TASP1: variants seen among roughly 807,000 people sequenced by gnomAD.
TASP1 encodes the protein taspase 1, also known as threonine aspartase 1.
TASP1 carries 16 observed loss-of-function variants against 56.6 expected under a neutral mutation model. The observed-to-expected ratio is 0.28, with a 90% CI of 0.19 to 0.43. The LOEUF is 0.43. Ranked by LOEUF, TASP1 falls within the 20% of genes least tolerant of loss-of-function variation. The pLI is 1.00. For synonymous variants in TASP1, 179 were observed against 184.2 expected (o/e 0.97, Z 0.23); for missense variants, 393 against 511.6 (o/e 0.77, Z 2.24).
chr20:13,178,706 T>C, the TASP1 span, among the ~76,000 whole-genome samples: 1 of 148,130 alleles, frequency 6.8e-6, no homozygotes, highest in Non-Finnish European at 1.5e-5. Context: ...AAAAAAAAAG[T>C]TGATCTTATA....
intron 13 of TASP1, among the ~76,000 whole-genome samples, chr20:13,411,922 G>T (rs2042106896): frequency 6.6e-6 from 1 of 152,204 alleles, no homozygotes; most frequent in African/African-American, 2.4e-5. Flanking sequence ...GTTGGGAGCA[G>T]GAGAGGTTTT....
At chr20:13,528,219 CAA>C (rs397942980) in intron 10 of TASP1, among the ~76,000 whole-genome samples, 812 of 54,220 alleles carry the variant, frequency 0.015, 2 homozygotes, top group Middle Eastern at 0.044. Flanking sequence ...GACTCTGACT[CAA>C]AAAAAAAAAA....
the TASP1 span, among the ~76,000 whole-genome samples, chr20:13,260,604 T>G: frequency 7.9e-6 from 1 of 126,896 alleles, no homozygotes; most frequent in South Asian, 2.2e-4. Context: ...AAAGTGGAGT[T>G]TTTTTTTTTT....
At chr20:13,435,912 T>A (rs2042986081) in intron 11 of TASP1, among the ~76,000 whole-genome samples, 1 of 152,110 alleles carries the variant, frequency 6.6e-6, no homozygotes, top group Admixed American at 6.6e-5. Flanking sequence ...CTGCTTAAAC[T>A]TACTATATTA....
At chr20:13,614,722 C>T in intron 4 of TASP1, 1 of 448,330 alleles carries the variant, frequency 2.2e-6, no homozygotes, top group Non-Finnish European at 4.6e-6. Flanking sequence ...AGTTACTTGT[C>T]AAAAACATAA....
chr20:13,166,462 T>C, the TASP1 span: 5 of 152,222 alleles, frequency 3.3e-5, no homozygotes, highest in Non-Finnish European at 7.4e-5. Context: ...GGAATACCGT[T>C]AGTGAAAGAG....
intron 1 of TASP1, among the ~76,000 whole-genome samples, chr20:13,631,824 G>A (rs368166049): frequency 1.8e-4 from 27 of 152,098 alleles, no homozygotes; most frequent in Admixed American, 1.2e-3. Context: ...CTAGCACTTC[G>A]GGAGGCCAAG....
In TASP1 at chr20:13,616,578, G is replaced by A. The variant is rs189206461; in HGVS notation, c.282+6868C>T. Among the ~76,000 whole-genome samples, 9 of 152,048 alleles carry A rather than the reference G, an allele frequency of 5.9e-5. No individual in the cohort carries two copies. In the East Asian group the frequency reaches 1.5e-3, roughly 26 times the overall value. On this transcript the variant is annotated intron_variant, in intron 4 of 13. Coordinates refer to ENST00000337743, the MANE Select transcript of TASP1 (RefSeq NM_017714.3). ...TTTGACTTGGTCAAAAGCTAACACC[G>A]GGTTTGCTACCATGTAAAATTAATC...
intron 10 of TASP1, among the ~76,000 whole-genome samples, chr20:13,492,927 C>T (rs550725788): frequency 1.3e-5 from 2 of 152,106 alleles, no homozygotes; most frequent in East Asian, 3.9e-4. Context: ...TATGATTAAA[C>T]ACAGATATCT....
At chr20:13,240,947 G>A in the TASP1 span, among the ~76,000 whole-genome samples, 6 of 152,228 alleles carry the variant, frequency 3.9e-5, no homozygotes, top group Admixed American at 1.3e-4. Flanking sequence ...ACATGTAAGT[G>A]AAGATAATAG....
At chr20:13,342,852 G>A in the TASP1 span, among the ~76,000 whole-genome samples, 1 of 152,110 alleles carries the variant, frequency 6.6e-6, no homozygotes, top group Admixed American at 6.5e-5. Flanking sequence ...GTAGAGGATG[G>A]GTCCTTATCC....
At chr20:13,332,854 G>C in the TASP1 span, among the ~76,000 whole-genome samples, 4 of 152,142 alleles carry the variant, frequency 2.6e-5, no homozygotes, top group Non-Finnish European at 4.4e-5. Flanking sequence ...CGGAAAGTTT[G>C]GCCTTTGGGG....
At chr20:13,632,364 CA>C (rs565886595) in intron 1 of TASP1, among the ~76,000 whole-genome samples, 189 of 47,960 alleles carry the variant, frequency 3.9e-3, no homozygotes, top group Middle Eastern at 0.013. Flanking sequence ...GACTCCATCT[CA>C]AAAAAAAAAA....
intron 12 of TASP1, among the ~76,000 whole-genome samples, chr20:13,433,986 T>C (rs992940088): frequency 6.6e-6 from 1 of 152,132 alleles, no homozygotes; most frequent in Non-Finnish European, 1.5e-5. Context: ...TGACTGAAGA[T>C]TAGACACAAG....
At chr20:13,117,087 T>C in the TASP1 span, among the ~76,000 whole-genome samples, 3 of 152,236 alleles carry the variant, frequency 2.0e-5, no homozygotes, top group Admixed American at 2.0e-4. Context: ...AAGCACCAAA[T>C]TTAAGTCAAA....
At chr20:13,315,840 A>C in the TASP1 span, among the ~76,000 whole-genome samples, 1 of 152,050 alleles carries the variant, frequency 6.6e-6, no homozygotes, top group African/African-American at 2.4e-5. Flanking sequence ...AAACAATAAC[A>C]GAAAGCTGAA....
chr20:13,207,553 G>C, the TASP1 span, among the ~76,000 whole-genome samples: 13 of 152,190 alleles, frequency 8.5e-5, no homozygotes, highest in Non-Finnish European at 1.3e-4. Flanking sequence ...CAGGAAAGTT[G>C]GTGGTGCAGT....
the TASP1 span, among the ~76,000 whole-genome samples, chr20:13,383,789 A>G: frequency 6.6e-6 from 1 of 152,196 alleles, no homozygotes; most frequent in Non-Finnish European, 1.5e-5. Context: ...CAGCAGAAAA[A>G]CCACTGAGTT....
chr20:13,299,153 C>T, the TASP1 span: 4 of 1,611,796 alleles, frequency 2.5e-6, no homozygotes. This position sits in a 1 kb window ranked among gnomAD's most constrained non-coding sequence, Gnocchi z 5.8. Flanking sequence ...TCTACAAGCC[C>T]ACTGCCCGGT....
Sources: allele counts gnomAD v4.1 joint callset (sites outside exome capture counted in the v4.1 genomes callset), GRCh38; gene constraint gnomAD v4.1.1; non-coding constraint Gnocchi (gnomAD v3.1); transcripts MANE v1.5; gene names NCBI Gene and HGNC (gene_info 2026-07-23, HGNC 2026-07-21).